Variants in PALS1 observed in about 807,000 individuals in gnomAD.
The protein encoded by PALS1 is protein PALS1.
In PALS1, 31 loss-of-function variants were observed where a neutral mutation model predicts 78.9. That is an observed-to-expected ratio of 0.39 (90% CI 0.30 to 0.53). The LOEUF (loss-of-function observed/expected upper bound fraction) is 0.53. Ranked by LOEUF, PALS1 falls within the 20% of genes least tolerant of loss-of-function variation. The pLI, the probability that PALS1 is intolerant of heterozygous loss-of-function variation, is 0.67. For missense variants in PALS1, 704 were observed against 826.5 expected (o/e 0.85, Z 1.82); for synonymous variants, 276 against 270.9 (o/e 1.02, Z -0.18).
intron 13 of PALS1, among the ~76,000 whole-genome samples, chr14:67,322,113 A>G (rs778472977): frequency 3.3e-5 from 5 of 152,154 alleles, no homozygotes; most frequent in African/African-American, 4.8e-5. Flanking sequence ...TAGGACGCCA[A>G]TGTGGGTGGA....
intron 3 of PALS1, among the ~76,000 whole-genome samples, chr14:67,286,668 C>T (rs1294624081): frequency 5.5e-5 from 8 of 145,004 alleles, no homozygotes; most frequent in Admixed American, 2.8e-4. Flanking sequence ...TCAGCCTGGG[C>T]AACCTGGTGA....
At chr14:67,265,829 C>T (rs1272995664) in intron 1 of PALS1, among the ~76,000 whole-genome samples, 2 of 150,160 alleles carry the variant, frequency 1.3e-5, no homozygotes, top group Admixed American at 1.3e-4. Context: ...TGCACTCCAG[C>T]CTGGGTGACA....
intron 14 of PALS1, among the ~76,000 whole-genome samples, chr14:67,329,892 TAAG>T: frequency 1.3e-5 from 2 of 150,966 alleles, no homozygotes; most frequent in Middle Eastern, 7.0e-3. Flanking sequence ...ATATAGAAAC[TAAG>T]AAGATGATGG....
At chr14:67,326,562 T>C (rs893173728) in intron 14 of PALS1, among the ~76,000 whole-genome samples, 4 of 152,178 alleles carry the variant, frequency 2.6e-5, no homozygotes, top group Admixed American at 1.3e-4. Flanking sequence ...GTAACCACCA[T>C]GCCAATCAAG....
At chr14:67,315,268 ATTTTTTTT>A (rs531037352) in intron 9 of PALS1, among the ~76,000 whole-genome samples, 14 of 101,588 alleles carry the variant, frequency 1.4e-4, no homozygotes, top group Non-Finnish European at 1.7e-4. Flanking sequence ...CTTATTTTTA[ATTTTTTTT>A]TTTTTTTTTT....
At chr14:67,297,994 T>C (rs1195570728) in intron 4 of PALS1, among the ~76,000 whole-genome samples, 1 of 152,118 alleles carries the variant, frequency 6.6e-6, no homozygotes, top group Non-Finnish European at 1.5e-5. Flanking sequence ...TAATCACAGT[T>C]GTTGTGGGGA....
Position 67,306,983 on chromosome 14 carries a change from T to C in PALS1, c.1041+3384T>C, listed in dbSNP as rs560458413. Among the ~76,000 whole-genome samples the C allele has an allele frequency of 1.3e-3, 193 of 152,332 alleles. 1 individual carries two copies. Among genetic ancestry groups the C allele is most frequent in the African/African-American group, 4.5e-3 (188 of 41,594 alleles). On this transcript the variant is annotated intron_variant, in intron 8 of 14. Coordinates refer to ENST00000261681, the MANE Select transcript of PALS1 (RefSeq NM_022474.4). ...GTTAGAAATGTGTTTAAGACAGATA[T>C]ACAAAATAAGTGTTATCTGAAACCC...
chr14:67,323,886 G>C, intron 14 of PALS1, 74 bp downstream of exon 14: 1 of 756,046 alleles, frequency 1.3e-6, no homozygotes, highest in East Asian at 3.0e-5. Flanking sequence ...TTGTCCTGGT[G>C]CTTAAAAGCT....
rs575921590 is a variant in PALS1 at position 67,332,756 on chromosome 14, A to T, written c.1852-24A>T. 13 of 1,590,306 alleles carry T rather than the reference A, an allele frequency of 8.2e-6. 1 individual carries two copies. The South Asian group carries it at 1.5e-4, about 18-fold the overall frequency. On this transcript the variant is annotated intron_variant, in intron 14 of 14. Transcript: ENST00000261681. ...ATTTGGTTAGGAAAGGAATTATCTC[A>T]CAGTTTTTATCTTCTGTTTGCAGCC...
At chr14:67,292,483 T>A (rs754173590) in intron 3 of PALS1, 28 bp from the exon 4 acceptor site, 1 of 1,470,796 alleles carries the variant, frequency 6.8e-7, no homozygotes, top group South Asian at 1.2e-5. Context: ...AACAGTTAAT[T>A]TTTGGATACC....
intron 3 of PALS1, among the ~76,000 whole-genome samples, chr14:67,291,660 A>ATGTG (rs2084776107): frequency 1.3e-5 from 2 of 152,234 alleles, no homozygotes; most frequent in Non-Finnish European, 2.9e-5. Context: ...TAACAGGCAG[A>ATGTG]CACAATGCAC....
At chr14:67,316,949 C>T (rs1464368545) in intron 10 of PALS1, 46 bp downstream of exon 10, 1 of 1,445,716 alleles carries the variant, frequency 6.9e-7, no homozygotes, top group Non-Finnish European at 9.6e-7. Flanking sequence ...CTTGGGTCTT[C>T]ATCTGGAGCC....
rs561283006 is a variant in PALS1 at position 67,256,628 on chromosome 14, A to T, written c.-236-13073A>T. 1.7e-3 allele frequency among the ~76,000 whole-genome samples: 262 copies of T among 152,166 alleles called. 5 individuals are homozygous for T. The highest frequency in any genetic ancestry group is 7.9e-3 in the East Asian group (41 of 5,176). ...AGTGGTGTGATCTTGGCTCATTGCA[A>T]CCTTAGCCTCCCAGATTCAAGTGAT... On this transcript the variant is annotated intron_variant, in intron 1 of 14. Coordinates refer to ENST00000261681, the MANE Select transcript of PALS1 (RefSeq NM_022474.4).
At chr14:67,303,232 G>A (rs1163857165) in intron 7 of PALS1, among the ~76,000 whole-genome samples, 1 of 152,158 alleles carries the variant, frequency 6.6e-6, no homozygotes. Flanking sequence ...TGCAATTTAT[G>A]ATCACTTTGT....
chr14:67,262,704 C>A (rs117003957), intron 1 of PALS1, among the ~76,000 whole-genome samples: 1 of 152,116 alleles, frequency 6.6e-6, no homozygotes, highest in Non-Finnish European at 1.5e-5. Flanking sequence ...AACCTTTAGT[C>A]TCCCATTATT....
chr14:67,299,653 G>T (rs1031151461), intron 4 of PALS1, among the ~76,000 whole-genome samples: 3 of 152,200 alleles, frequency 2.0e-5, no homozygotes, highest in Non-Finnish European at 2.9e-5. Flanking sequence ...TAACACCGTT[G>T]TAGAAGTAGC....
intron 3 of PALS1, among the ~76,000 whole-genome samples, chr14:67,288,315 C>T (rs2084721972): frequency 6.6e-6 from 1 of 152,112 alleles, no homozygotes; most frequent in South Asian, 2.1e-4. Flanking sequence ...CTCCTGACCT[C>T]AGGTGATCTG....
In PALS1 at chr14:67,316,885, A is replaced by G; in HGVS notation, c.1279A>G (p.Lys427Glu). The change falls in exon 10 of 15, where the codon AAG becomes GAG. Residue 427 changes from lysine (K) to glutamate (E), a missense_variant. Lys to Glu is a moderately conservative substitution (Grantham distance 56). Transcript: ENST00000261681. ...CATGAAACAAACCATAGAAGAAGATAAGGAGCCAGAAAAATCAGGTTAGAC... is the reference window on the plus strand; with the variant it reads ...CATGAAACAAACCATAGAAGAAGATGAGGAGCCAGAAAAATCAGGTTAGAC... Reference protein sequence around the residue: ...EAMKQTIEEDKEPEKSGKLWC... With the variant: ...EAMKQTIEEDEEPEKSGKLWC... 1 of 1,611,746 alleles carries G rather than the reference A, an allele frequency of 6.2e-7. No individual in the cohort carries two copies. The highest frequency in any genetic ancestry group is 8.5e-7 in the Non-Finnish European group (1 of 1,178,696).
Position 67,320,108 on chromosome 14 carries a change from G to A in PALS1, c.1370-122G>A, listed in dbSNP as rs1013595960. On this transcript the variant is annotated intron_variant, in intron 11 of 14. Transcript: ENST00000261681. ...TCTGATTCATTTTCATGATACCCTAGCAAGGATGTAATGACAATAAATTGT... is the reference window on the plus strand; with the variant it reads ...TCTGATTCATTTTCATGATACCCTAACAAGGATGTAATGACAATAAATTGT... 1.2e-4 allele frequency: 85 copies of A among 734,616 alleles called. No individual in the cohort carries two copies. The Middle Eastern group carries it at 1.6e-3, about 14-fold the overall frequency. 45.5% of individuals were successfully genotyped at this position (734,616 alleles called of 1,614,324 possible).
Sources: allele counts gnomAD v4.1 joint callset (sites outside exome capture counted in the v4.1 genomes callset), GRCh38; gene constraint gnomAD v4.1.1; transcripts MANE v1.5; gene names NCBI Gene and HGNC (gene_info 2026-07-23, HGNC 2026-07-21).